Variants in AGTPBP1 observed in about 807,000 individuals in gnomAD.
AGTPBP1 encodes cytosolic carboxypeptidase 1.
AGTPBP1 carries 70 observed loss-of-function variants against 143.9 expected under a neutral mutation model. That is an observed-to-expected ratio of 0.49 (90% CI 0.40 to 0.59). AGTPBP1 has a LOEUF of 0.59. Ranked by LOEUF, AGTPBP1 falls within the 20% of genes least tolerant of loss-of-function variation. The pLI, the probability that AGTPBP1 is intolerant of heterozygous loss-of-function variation, is 0.00. For missense variants in AGTPBP1, 1,229 were observed against 1,464.5 expected (o/e 0.84, Z 2.62); for synonymous variants, 463 against 500.2 (o/e 0.93, Z 0.99).
At chr9:85,798,701 C>A in the AGTPBP1 span, among the ~76,000 whole-genome samples, 1 of 151,974 alleles carries the variant, frequency 6.6e-6, no homozygotes, top group Non-Finnish European at 1.5e-5. Flanking sequence ...ATTGTAGGTT[C>A]TGTCTTTCAT....
the AGTPBP1 span, among the ~76,000 whole-genome samples, chr9:85,777,586 T>A: frequency 3.9e-5 from 6 of 152,320 alleles, no homozygotes; most frequent in African/African-American, 1.4e-4. Flanking sequence ...CAGAATGGGT[T>A]ATCATATCCA....
At chr9:85,613,084 C>T (rs1299147908) in intron 17 of AGTPBP1, among the ~76,000 whole-genome samples, 1 of 151,880 alleles carries the variant, frequency 6.6e-6, no homozygotes, top group Admixed American at 6.6e-5. Flanking sequence ...AAAAATAATA[C>T]AACCAACTAA....
intron 1 of AGTPBP1, among the ~76,000 whole-genome samples, chr9:85,726,925 C>T (rs1838532491): frequency 6.6e-6 from 1 of 152,130 alleles, no homozygotes; most frequent in South Asian, 2.1e-4. Context: ...TGTAAAATTA[C>T]ACTGAGTAAA....
intron 9 of AGTPBP1, among the ~76,000 whole-genome samples, 171 bp from the exon 10 acceptor site, chr9:85,657,814 T>C (rs1336069783): frequency 6.6e-6 from 1 of 152,172 alleles, no homozygotes; most frequent in Non-Finnish European, 1.5e-5. Context: ...AAATATGAAG[T>C]TCCAGAGAGA....
chr9:85,783,826 T>C, the AGTPBP1 span, among the ~76,000 whole-genome samples: 1 of 152,038 alleles, frequency 6.6e-6, no homozygotes, highest in South Asian at 2.1e-4. Context: ...GTAGAGACCA[T>C]GTCGGCCAGG....
chr9:85,793,515 T>C, the AGTPBP1 span: 2 of 152,274 alleles, frequency 1.3e-5, no homozygotes, highest in Non-Finnish European at 2.9e-5. Flanking sequence ...GTCTCTAGAT[T>C]GCAGCACCTA....
intron 1 of AGTPBP1, among the ~76,000 whole-genome samples, chr9:85,739,874 G>A (rs1424558767): frequency 2.0e-5 from 3 of 151,700 alleles, no homozygotes; most frequent in Non-Finnish European, 4.4e-5. Flanking sequence ...TTAGCTAGGC[G>A]TGGTGACGCG....
chr9:85,710,676 T>TACAACA (rs527633138), intron 2 of AGTPBP1, among the ~76,000 whole-genome samples: 18 of 151,084 alleles, frequency 1.2e-4, no homozygotes, highest in Admixed American at 1.3e-4. Flanking sequence ...TTAGTTACCC[T>TACAACA]ACAACAACAA....
intron 25 of AGTPBP1, among the ~76,000 whole-genome samples, chr9:85,572,891 A>C (rs934851785): frequency 2.0e-5 from 3 of 152,208 alleles, no homozygotes; most frequent in Non-Finnish European, 2.9e-5. Flanking sequence ...GTCACACCTA[A>C]AACTACTATA....
intron 15 of AGTPBP1, among the ~76,000 whole-genome samples, chr9:85,620,845 T>G (rs966908040): frequency 1.3e-5 from 2 of 152,160 alleles, no homozygotes; most frequent in African/African-American, 4.8e-5. Flanking sequence ...GGCTCAGTAT[T>G]GCAAGACAAG....
intron 14 of AGTPBP1, among the ~76,000 whole-genome samples, chr9:85,627,956 A>AAGTT (rs1831407129): frequency 6.6e-6 from 1 of 152,230 alleles, no homozygotes; most frequent in African/African-American, 2.4e-5. Context: ...AGGGAATTAA[A>AAGTT]AGTTATACTT....
intron 25 of AGTPBP1, among the ~76,000 whole-genome samples, chr9:85,559,389 A>G (rs1033000094): frequency 2.6e-5 from 4 of 152,120 alleles, no homozygotes; most frequent in African/African-American, 9.7e-5. Context: ...GGATCTAACA[A>G]AAGCATTTAT....
intron 8 of AGTPBP1, 139 bp downstream of exon 8, chr9:85,669,346 T>C: frequency 1.1e-5 from 5 of 460,514 alleles, no homozygotes; most frequent in Non-Finnish European, 3.8e-6. Context: ...TTTATCATGA[T>C]AAAATCATTA....
chr9:85,597,782 A>G (rs879322038), intron 17 of AGTPBP1, among the ~76,000 whole-genome samples: 1 of 149,136 alleles, frequency 6.7e-6, no homozygotes, highest in Non-Finnish European at 1.5e-5. Context: ...TAAACTGCTG[A>G]TGCAATAAAT....
At chr9:85,741,965 C>T (rs994211789), upstream of AGTPBP1, 2 of 1,247,750 alleles carry the variant, frequency 1.6e-6, no homozygotes, top group East Asian at 6.5e-5. Flanking sequence ...GTCCGCATCC[C>T]GGGCAACGTC....
intron 24 of AGTPBP1, among the ~76,000 whole-genome samples, chr9:85,577,938 C>T (rs1828000016): frequency 6.6e-6 from 1 of 152,100 alleles, no homozygotes; most frequent in Non-Finnish European, 1.5e-5. Context: ...TCTTTTCAAA[C>T]ACAAAGTTAT....
intron 11 of AGTPBP1, among the ~76,000 whole-genome samples, chr9:85,649,703 A>G (rs1210280905): frequency 6.6e-6 from 1 of 152,170 alleles, no homozygotes; most frequent in African/African-American, 2.4e-5. Flanking sequence ...TAGCTTGTTC[A>G]GGAAATATTC....
intron 2 of AGTPBP1, among the ~76,000 whole-genome samples, chr9:85,698,322 GGATA>G (rs1836406324): frequency 6.6e-6 from 1 of 152,052 alleles, no homozygotes; most frequent in Admixed American, 6.6e-5. Flanking sequence ...AATGCCAGAT[GGATA>G]GATGGGTAAA....
intron 25 of AGTPBP1, among the ~76,000 whole-genome samples, chr9:85,555,700 AG>A (rs1269333107): frequency 6.6e-6 from 1 of 152,234 alleles, no homozygotes; most frequent in Admixed American, 6.5e-5. Flanking sequence ...AGGTGGCACT[AG>A]GGGGAAGACC....
Sources: gnomAD v4.1 joint callset for allele counts (sites outside exome capture counted in the v4.1 genomes callset) on GRCh38, gnomAD v4.1.1 for gene constraint, MANE v1.5 for transcripts, NCBI Gene and HGNC (gene_info 2026-07-23, HGNC 2026-07-21) for gene names.